The following GPR158 variants were observed in gnomAD, a reference collection of about 807,000 sequenced individuals.
GPR158 encodes G protein-coupled receptor 158, also known as metabotropic glycine receptor.
GPR158 carries 30 observed loss-of-function variants against 78.2 expected under a neutral mutation model. The observed-to-expected ratio is 0.38, with a 90% CI of 0.29 to 0.52. The LOEUF (loss-of-function observed/expected upper bound fraction) is 0.52, where lower values mean the gene tolerates loss of function less well. Among genes scored for constraint, GPR158 ranks in the 20% least tolerant of loss-of-function variants. GPR158 has a pLI of 0.83. For missense variants in GPR158, 1,463 were observed against 1,523.5 expected, an observed-to-expected ratio of 0.96 and a Z score of 0.66; for synonymous variants, 581 against 591.1, an observed-to-expected ratio of 0.98 and a Z score of 0.25.
chr10:25,246,537 A>T (rs1310369218), intron 2 of GPR158, among the ~76,000 whole-genome samples: 1 of 152,218 alleles, frequency 6.6e-6, no homozygotes, highest in African/African-American at 2.4e-5. Context: ...TCAATTAAAT[A>T]TGTAAAAGCT....
intron 5 of GPR158, among the ~76,000 whole-genome samples, chr10:25,510,326 C>T (rs376616760): frequency 6.6e-6 from 1 of 152,092 alleles, no homozygotes; most frequent in African/African-American, 2.4e-5. Flanking sequence ...AAAGTATATA[C>T]TATATAGCTA....
chr10:25,405,983 T>C lies in GPR158; in HGVS notation c.1112-6267T>C, dbSNP rs192756160. ...TGCACCATTCAAATTCTATTCTATA[T>C]GAATGCTGCCAGAGACAGCTCACTT... On this transcript the variant is annotated intron_variant, in intron 3 of 10. Transcript: ENST00000376351. 2.0e-5 allele frequency among the ~76,000 whole-genome samples: 3 copies of C among 152,250 alleles called. No individual in the cohort carries two copies. The East Asian group carries it at 5.8e-4, about 29-fold the overall frequency.
intron 2 of GPR158, among the ~76,000 whole-genome samples, chr10:25,338,580 AATAC>A (rs1361807618): frequency 1.4e-5 from 2 of 146,726 alleles, no homozygotes; most frequent in African/African-American, 2.5e-5. Flanking sequence ...TATTATATAT[AATAC>A]ATATTATATA....
chr10:25,590,534 A>G (rs1361852927), intron 8 of GPR158, among the ~76,000 whole-genome samples: 1 of 152,182 alleles, frequency 6.6e-6, no homozygotes, highest in Non-Finnish European at 1.5e-5. Flanking sequence ...AACAGCCTTG[A>G]CATATTCCCC....
intron 5 of GPR158, among the ~76,000 whole-genome samples, chr10:25,500,064 C>T (rs540562722): frequency 6.6e-6 from 1 of 152,306 alleles, no homozygotes; most frequent in East Asian, 1.9e-4. Context: ...CCATTTGTCT[C>T]GTAAGATCAG....
At chr10:25,394,330 G>A (rs997287209) in intron 2 of GPR158, among the ~76,000 whole-genome samples, 1 of 152,200 alleles carries the variant, frequency 6.6e-6, no homozygotes, top group Non-Finnish European at 1.5e-5. Context: ...GGGAAGTGAT[G>A]AAGTCAGATT....
rs568817008 is a variant in GPR158, at chr10:25,467,361, G to T, written c.1404+642G>T. Among the ~76,000 whole-genome samples, 11 of 152,258 alleles carry T rather than the reference G, an allele frequency of 7.2e-5. No individual in the cohort carries two copies. The East Asian group carries it at 2.1e-3, about 29-fold the overall frequency. On this transcript the variant is annotated intron_variant, in intron 5 of 10. Coordinates refer to ENST00000376351, the MANE Select transcript of GPR158 (RefSeq NM_020752.3). ...ACTATTAAAAGGTGCTAGCCACTCA[G>T]TATCTTCAGGATTGGGAGGGCCTGG...
chr10:25,473,224 T>C (rs1398190874), intron 5 of GPR158, among the ~76,000 whole-genome samples: 2 of 151,778 alleles, frequency 1.3e-5, no homozygotes, highest in African/African-American at 4.9e-5. Context: ...ATGTGGTTTT[T>C]GTCTTTAGTT....
chr10:25,409,905 C>T (rs942269396), intron 3 of GPR158, among the ~76,000 whole-genome samples: 1 of 152,088 alleles, frequency 6.6e-6, no homozygotes, highest in Non-Finnish European at 1.5e-5. Flanking sequence ...AAATACTATT[C>T]TATCTTATTA....
intron 1 of GPR158, among the ~76,000 whole-genome samples, chr10:25,180,863 TAAGAAA>T (rs1009767518): frequency 6.8e-6 from 1 of 147,872 alleles, no homozygotes; most frequent in Non-Finnish European, 1.5e-5. Flanking sequence ...GGTATTTGGT[TAAGAAA>T]AAAAAAAAAG....
chr10:25,283,176 A>G (rs1034690546), intron 2 of GPR158, among the ~76,000 whole-genome samples: 1 of 152,026 alleles, frequency 6.6e-6, no homozygotes, highest in Admixed American at 6.5e-5. Flanking sequence ...TACAAATTCA[A>G]TTTCCTCACC....
chr10:25,180,265 A>T (rs1160327351), intron 1 of GPR158, among the ~76,000 whole-genome samples: 1 of 152,222 alleles, frequency 6.6e-6, no homozygotes, highest in African/African-American at 2.4e-5. Context: ...ATCTATATGC[A>T]TTAGATACTT....
intron 5 of GPR158, among the ~76,000 whole-genome samples, chr10:25,522,308 T>C (rs993655005): frequency 2.1e-4 from 32 of 152,340 alleles, no homozygotes; most frequent in Admixed American, 1.9e-3. Flanking sequence ...GTGCTTGGCA[T>C]GGTCAGGGAA....
chr10:25,318,866 T>C (rs1379764714), intron 2 of GPR158, among the ~76,000 whole-genome samples: 1 of 152,182 alleles, frequency 6.6e-6, no homozygotes, highest in Non-Finnish European at 1.5e-5. Context: ...CAATAAAGAA[T>C]GTTATTCCCT....
rs1855188772 is a variant in GPR158 at position 25,335,695 on chromosome 10, TGTTTATA to T, written c.1009-60209_1009-60203del. Among the ~76,000 whole-genome samples, 3 of 152,092 alleles carry T rather than the reference TGTTTATA, an allele frequency of 2.0e-5. No homozygotes were observed. The South Asian group carries it at 6.2e-4, about 31-fold the overall frequency. On this transcript the variant is annotated intron_variant, in intron 2 of 10. Coordinates refer to ENST00000376351, the MANE Select transcript of GPR158 (RefSeq NM_020752.3). ...AATTTGTAAAACAATTTTAGCATTT[TGTTTATA>T]GTTTATGGCAAATAAAGTACCTTAG... is the stretch of plus-strand genomic sequence containing the variant.
intron 2 of GPR158, among the ~76,000 whole-genome samples, chr10:25,309,217 G>A (rs1374700631): frequency 6.6e-6 from 1 of 150,824 alleles, no homozygotes; most frequent in Admixed American, 6.6e-5. Flanking sequence ...GTTATTTTCT[G>A]TGTGTGTGTG....
At chr10:25,582,350 A>G (rs376608126) in intron 7 of GPR158, among the ~76,000 whole-genome samples, 12 of 152,230 alleles carry the variant, frequency 7.9e-5, no homozygotes, top group East Asian at 5.8e-4. Context: ...GAGTTTTGCC[A>G]GAGTTCTGTC....
At chr10:25,361,129 TTC>T (rs141664063) in intron 2 of GPR158, among the ~76,000 whole-genome samples, 1,884 of 152,036 alleles carry the variant, frequency 0.012, 34 homozygotes, top group African/African-American at 0.043. Context: ...TTCTACTACT[TTC>T]TGTTTCCATT....
intron 2 of GPR158, among the ~76,000 whole-genome samples, chr10:25,303,437 G>A (rs989713712): frequency 6.6e-6 from 1 of 152,142 alleles, no homozygotes; most frequent in Non-Finnish European, 1.5e-5. Flanking sequence ...CTGTAATTTA[G>A]AGGAAGATGA....
Sources: allele counts gnomAD v4.1 joint callset (sites outside exome capture counted in the v4.1 genomes callset), GRCh38; gene constraint gnomAD v4.1.1; transcripts MANE v1.5; gene names NCBI Gene and HGNC (gene_info 2026-07-23, HGNC 2026-07-21).